SEMA6D: variants seen among roughly 807,000 people sequenced by gnomAD.
The protein encoded by SEMA6D is semaphorin-6D.
In SEMA6D, 35 loss-of-function variants were observed where a neutral mutation model predicts 106.6. The ratio of observed to expected loss-of-function variants is 0.33; its 90% CI spans 0.25 to 0.44. The LOEUF is 0.44. SEMA6D is among the 20% of genes least tolerant of loss of function. The probability of loss-of-function intolerance (pLI) is 1.00; values close to 1 mark genes in which losing one functional copy is unlikely to be tolerated. For missense variants in SEMA6D, 1,185 were observed against 1,345.9 expected, an observed-to-expected ratio of 0.88 and a Z score of 1.87; for synonymous variants, 499 against 487.7, an observed-to-expected ratio of 1.02 and a Z score of -0.31.
At chr15:47,609,320 AACC>A (rs1321207631) in intron 4 of SEMA6D, among the ~76,000 whole-genome samples, 10 of 152,208 alleles carry the variant, frequency 6.6e-5, no homozygotes, top group African/African-American at 2.2e-4. Context: ...GCAGTGGAAA[AACC>A]ATGTTGAGAT....
At chr15:47,738,501 T>G (rs2080590420) in intron 1 of SEMA6D, among the ~76,000 whole-genome samples, 1 of 152,220 alleles carries the variant, frequency 6.6e-6, no homozygotes, top group South Asian at 2.1e-4. Flanking sequence ...AGGGACAAGT[T>G]TCTACTGTTT....
intron 4 of SEMA6D, among the ~76,000 whole-genome samples, chr15:47,680,845 A>T (rs1481198154): frequency 6.6e-6 from 1 of 152,364 alleles, no homozygotes; most frequent in East Asian, 1.9e-4. Context: ...AAGATTCTCA[A>T]CATCACTAAT....
chr15:47,338,642 TATTA>T (rs1486598294), intron 1 of SEMA6D, among the ~76,000 whole-genome samples: 1 of 152,230 alleles, frequency 6.6e-6, no homozygotes, highest in Admixed American at 6.5e-5. Context: ...CTGGACTAGT[TATTA>T]ATGACTGAAT....
chr15:47,667,897 C>G lies in SEMA6D; in HGVS notation c.-55+67001C>G, dbSNP rs1443803206. 2.0e-5 allele frequency among the ~76,000 whole-genome samples: 3 copies of G among 152,186 alleles called. No individual in the cohort carries two copies. In the East Asian group the frequency reaches 5.8e-4, roughly 29 times the overall value. ...AAACTGGAGCACTGATGCAGGTTCC[C>G]AGAGTCCTAGAGCTGCACTTGGGCA... is the stretch of plus-strand genomic sequence containing the variant. On this transcript the variant is annotated intron_variant, in intron 4 of 19. Transcript: ENST00000558014.
chr15:47,560,448 C>T (rs1026665249), intron 3 of SEMA6D, among the ~76,000 whole-genome samples: 3 of 151,706 alleles, frequency 2.0e-5, no homozygotes, highest in African/African-American at 7.3e-5. Context: ...TAATAAAGGG[C>T]TCAAGAGCAG....
chr15:47,586,271 T>A (rs2076337336), intron 3 of SEMA6D, among the ~76,000 whole-genome samples: 2 of 152,180 alleles, frequency 1.3e-5, no homozygotes, highest in African/African-American at 4.8e-5. Context: ...GCAACGGAAT[T>A]CAGGGACTTC....
rs886198530 is a variant in SEMA6D, at chr15:47,193,449, C to G, written c.-239+9031C>G. Among the ~76,000 whole-genome samples, 4 of 152,100 alleles carry G rather than the reference C, an allele frequency of 2.6e-5. No individual in the cohort carries two copies. The East Asian group carries it at 5.8e-4, about 22-fold the overall frequency. ...TATTCCCAAATCACCACAAAAAGAT[C>G]TAAAATCTGAAACACTTGTAATCTC... On this transcript the variant is annotated intron_variant, in intron 1 of 19. Transcript: ENST00000558014.
chr15:47,412,863 A>AGTCATACCCTTAACATGGGTCC, intron 2 of SEMA6D, among the ~76,000 whole-genome samples: 1 of 152,208 alleles, frequency 6.6e-6, no homozygotes, highest in Admixed American at 6.5e-5. Context: ...TGCATGGGGC[A>AGTCATACCCTTAACATGGGTCC]GTCATACCCT....
At chr15:47,720,261 C>CTTTTTTTTTTTTTTT (rs869122623) in intron 1 of SEMA6D, among the ~76,000 whole-genome samples, 1 of 97,152 alleles carries the variant, frequency 1.0e-5, no homozygotes, top group Non-Finnish European at 2.0e-5. Flanking sequence ...AATAACCTTT[C>CTTTTTTTTTTTTTTT]TTTTTTTTTT....
chr15:47,469,549 C>T (rs1445587277), intron 2 of SEMA6D, among the ~76,000 whole-genome samples: 1 of 152,138 alleles, frequency 6.6e-6, no homozygotes, highest in African/African-American at 2.4e-5. Context: ...CTGTTTCATG[C>T]CCATCAGTAG....
chr15:47,434,396 G>A (rs2041636848), intron 2 of SEMA6D, among the ~76,000 whole-genome samples: 1 of 152,042 alleles, frequency 6.6e-6, no homozygotes, highest in Non-Finnish European at 1.5e-5. Flanking sequence ...GCGGAGGGAG[G>A]AGGATCCTGG....
intron 2 of SEMA6D, among the ~76,000 whole-genome samples, chr15:47,466,784 A>G (rs2042675368): frequency 6.7e-6 from 1 of 148,734 alleles, no homozygotes; most frequent in African/African-American, 2.5e-5. Context: ...ACCAGCTTAG[A>G]GGAGTGATCT....
At chr15:47,468,862 A>G (rs181457765) in intron 2 of SEMA6D, among the ~76,000 whole-genome samples, 1 of 152,250 alleles carries the variant, frequency 6.6e-6, no homozygotes, top group East Asian at 1.9e-4. Context: ...TCATCAACAC[A>G]CTAGGAAGCC....
chr15:47,706,433 A>C (rs180709182), intron 4 of SEMA6D, among the ~76,000 whole-genome samples: 27 of 152,356 alleles, frequency 1.8e-4, no homozygotes, highest in Non-Finnish European at 3.4e-4. Flanking sequence ...TTATGTAATT[A>C]AGCATACATT....
At chr15:47,541,720 C>T (rs1332484598) in intron 3 of SEMA6D, among the ~76,000 whole-genome samples, 1 of 152,128 alleles carries the variant, frequency 6.6e-6, no homozygotes, top group African/African-American at 2.4e-5. Context: ...ATATATGCAC[C>T]TAACTTATTT....
At chr15:47,444,132 A>G (rs1206874048) in intron 2 of SEMA6D, among the ~76,000 whole-genome samples, 1 of 152,114 alleles carries the variant, frequency 6.6e-6, no homozygotes, top group Non-Finnish European at 1.5e-5. Context: ...TCTATTTACC[A>G]TCTGCAGGAC....
At chr15:47,417,774 A>G (rs1161468977) in intron 2 of SEMA6D, among the ~76,000 whole-genome samples, 1 of 152,022 alleles carries the variant, frequency 6.6e-6, no homozygotes, top group Admixed American at 6.6e-5. Context: ...TTTCCATGTG[A>G]AAGACATTAA....
At chr15:47,720,713 T>C (rs527631447) in intron 1 of SEMA6D, among the ~76,000 whole-genome samples, 1 of 152,354 alleles carries the variant, frequency 6.6e-6, no homozygotes, top group East Asian at 1.9e-4. Context: ...AAAGACTTAT[T>C]GAAACTGGAG....
intron 1 of SEMA6D, among the ~76,000 whole-genome samples, chr15:47,282,559 T>A (rs140471590): frequency 7.2e-5 from 11 of 152,276 alleles, no homozygotes; most frequent in African/African-American, 2.6e-4. Flanking sequence ...GTGGACACAT[T>A]TCTGTTGGAT....
Sources: allele counts gnomAD v4.1 joint callset (sites outside exome capture counted in the v4.1 genomes callset), GRCh38; gene constraint gnomAD v4.1.1; transcripts MANE v1.5; gene names NCBI Gene and HGNC (gene_info 2026-07-23, HGNC 2026-07-21).